Variants in LRRC31 observed in about 807,000 individuals in gnomAD.
LRRC31 encodes the protein leucine-rich repeat-containing protein 31.
In LRRC31, 35 loss-of-function variants were observed where a neutral mutation model predicts 46.7. The ratio of observed to expected loss-of-function variants is 0.75; its 90% CI spans 0.57 to 0.99. The LOEUF is 0.99. LRRC31 is among the 50% of genes least tolerant of loss of function. LRRC31 has a pLI of 0.00. For missense variants in LRRC31, 613 were observed against 626.1 expected, an observed-to-expected ratio of 0.98 and a Z score of 0.22; for synonymous variants, 236 against 235.1, an observed-to-expected ratio of 1.00 and a Z score of -0.03.
intron 3 of LRRC31, 85 bp downstream of exon 3, chr3:169,860,476 C>A (rs1287042901): frequency 7.1e-7 from 1 of 1,400,074 alleles, no homozygotes; most frequent in Admixed American, 1.7e-5. Context: ...AATCCGCCAG[C>A]CTCAGCCTCC....
In LRRC31 at chr3:169,860,706, T is replaced by C; in HGVS notation, c.342A>G (p.Pro114=). 1 of 1,614,026 alleles carries C rather than the reference T, an allele frequency of 6.2e-7. No individual in the cohort carries two copies. Among genetic ancestry groups the C allele is most frequent in the Non-Finnish European group, 8.5e-7 (1 of 1,179,950 alleles). ...KEMVALLPFL[P]DLEELDISWN... is the part of the protein sequence containing the mutation. Reference sequence around the variant, plus strand: ...AGGAGATATCCAGTTCTTCCAAGTCTGGGAGAAAAGGCAGCAAGGCAACTA... The same window carrying C: ...AGGAGATATCCAGTTCTTCCAAGTCCGGGAGAAAAGGCAGCAAGGCAACTA... Residue 114 remains proline, a synonymous_variant, in exon 3 of 9, where the codon CCA becomes CCG. Coordinates refer to ENST00000316428, the MANE Select transcript of LRRC31 (RefSeq NM_024727.4).
At chr3:169,865,062 C>A (rs917564656) in intron 1 of LRRC31, among the ~76,000 whole-genome samples, 20 of 149,716 alleles carry the variant, frequency 1.3e-4, no homozygotes, top group African/African-American at 4.7e-4. Context: ...GGCAACAGAG[C>A]AAGACTCCAT....
At chr3:169,847,524 C>G (rs1780642227) in intron 8 of LRRC31, among the ~76,000 whole-genome samples, 1 of 152,190 alleles carries the variant, frequency 6.6e-6, no homozygotes, top group Non-Finnish European at 1.5e-5. Context: ...TAGCCTCAAT[C>G]CCACAGTGCA....
chr3:169,862,231 A>G (rs139656606), intron 1 of LRRC31, among the ~76,000 whole-genome samples: 10 of 152,352 alleles, frequency 6.6e-5, no homozygotes, highest in African/African-American at 2.4e-4. Flanking sequence ...AAGAAGGGAA[A>G]GCGTTGAAAT....
intron 1 of LRRC31, among the ~76,000 whole-genome samples, chr3:169,868,385 C>T (rs180680192): frequency 5.9e-5 from 9 of 152,198 alleles, no homozygotes; most frequent in South Asian, 2.1e-4. Context: ...GCCTCCAAAT[C>T]GAAGACTTCT....
chr3:169,866,361 A>ATTTCTATTCTCCC (rs1781333433), intron 1 of LRRC31, among the ~76,000 whole-genome samples: 1 of 152,184 alleles, frequency 6.6e-6, no homozygotes, highest in Non-Finnish European at 1.5e-5. Flanking sequence ...AATAGAAATG[A>ATTTCTATTCTCCC]AGAACCAAGC....
At chr3:169,862,429 T>A (rs1781195110) in intron 1 of LRRC31, among the ~76,000 whole-genome samples, 1 of 152,222 alleles carries the variant, frequency 6.6e-6, no homozygotes, top group South Asian at 2.1e-4. Flanking sequence ...TAGGGACTAC[T>A]GTGGCACCCT....
At chr3:169,861,023 A>G (rs964679473) in intron 2 of LRRC31, among the ~76,000 whole-genome samples, 1 of 151,704 alleles carries the variant, frequency 6.6e-6, no homozygotes, top group African/African-American at 2.4e-5. Context: ...AACTCAGCTG[A>G]AGTCTTCAAA....
intron 1 of LRRC31, among the ~76,000 whole-genome samples, chr3:169,866,382 G>A (rs1249790602): frequency 2.6e-5 from 4 of 152,114 alleles, no homozygotes; most frequent in Non-Finnish European, 5.9e-5. Flanking sequence ...AGCTTGGGTG[G>A]TCAGTGTTGC....
intron 8 of LRRC31, among the ~76,000 whole-genome samples, chr3:169,843,735 A>G (rs1209472057): frequency 6.6e-6 from 1 of 152,244 alleles, no homozygotes; most frequent in African/African-American, 2.4e-5. Flanking sequence ...AGCCAAGAAT[A>G]AAGAGATAGA....
At chr3:169,843,181 A>G (rs1780502966) in intron 8 of LRRC31, among the ~76,000 whole-genome samples, 3 of 152,232 alleles carry the variant, frequency 2.0e-5, no homozygotes, top group Admixed American at 6.5e-5. Context: ...CAGAAGTCAG[A>G]GAGATTTAAA....
At position 169,869,614 on chromosome 3, in the gene LRRC31, C is replaced by T. The variant is rs765858342; in HGVS notation, c.175+19G>A. On this transcript the variant is annotated intron_variant, in intron 1 of 8. Coordinates refer to ENST00000316428, the MANE Select transcript of LRRC31 (RefSeq NM_024727.4). ...CAAAACAAATACAACAGCAAAAACA[C>T]CAGCAGCCAGCAGCTTACCAGTCTC... 1.3e-6 allele frequency: 2 copies of T among 1,550,432 alleles called. No homozygotes were observed. The highest frequency in any genetic ancestry group is 2.6e-5 in the South Asian group (2 of 76,986).
chr3:169,860,668 A>C lies in LRRC31; in HGVS notation c.380T>G (p.Val127Gly), dbSNP rs766040322. The C allele has an allele frequency of 1.9e-5, 31 of 1,614,080 alleles. No homozygotes were observed. In the African/African-American group the frequency reaches 3.5e-4, roughly 18 times the overall value. ...EELDISWNGF[V>G]GGTLLSITQQ... ...AGTGATGGAAAGGAGGGTTCCACCT[A>C]CAAAACCATTCCAGGAGATATCCAG... Residue 127 changes from valine to glycine, a missense_variant, in exon 3 of 9, where the codon GTA becomes GGA. Coordinates refer to ENST00000316428, the MANE Select transcript of LRRC31 (RefSeq NM_024727.4).
intron 7 of LRRC31, among the ~76,000 whole-genome samples, chr3:169,849,902 A>T (rs935222823): frequency 2.0e-5 from 3 of 152,206 alleles, no homozygotes; most frequent in Non-Finnish European, 4.4e-5. Context: ...AAGTTCTGGG[A>T]TATTAGCTAA....
At chr3:169,843,339 C>G (rs1365581286) in intron 8 of LRRC31, among the ~76,000 whole-genome samples, 1 of 152,158 alleles carries the variant, frequency 6.6e-6, no homozygotes, top group Non-Finnish European at 1.5e-5. Context: ...GCAAGGTCCT[C>G]GACTCTGTCA....
intron 8 of LRRC31, among the ~76,000 whole-genome samples, chr3:169,840,899 T>A (rs569177762): frequency 3.3e-5 from 5 of 152,104 alleles, no homozygotes; most frequent in Admixed American, 6.5e-5. Flanking sequence ...AGAAAATAAA[T>A]AAGTTAATGA....
intron 7 of LRRC31, among the ~76,000 whole-genome samples, chr3:169,850,375 A>G (rs1780721936): frequency 1.3e-5 from 2 of 152,088 alleles, no homozygotes; most frequent in Non-Finnish European, 2.9e-5. Context: ...CTCCCTCAGC[A>G]TCATTCATCC....
At chr3:169,859,006 CA>C (rs1252945211) in intron 3 of LRRC31, among the ~76,000 whole-genome samples, 6 of 6,540 alleles carry the variant, frequency 9.2e-4, no homozygotes, top group African/African-American at 1.1e-3. Context: ...AACGCCATCT[CA>C]AAAAAAAAAA....
intron 1 of LRRC31, among the ~76,000 whole-genome samples, chr3:169,864,645 T>C (rs1429226216): frequency 6.6e-6 from 1 of 152,248 alleles, no homozygotes. Context: ...TGAATGAATA[T>C]TGGTTTTACA....
Sources: gnomAD v4.1 joint callset for allele counts (sites outside exome capture counted in the v4.1 genomes callset) on GRCh38, gnomAD v4.1.1 for gene constraint, MANE v1.5 for transcripts, NCBI Gene and HGNC (gene_info 2026-07-23, HGNC 2026-07-21) for gene names.